The following METTL15 variants were observed in gnomAD, a reference collection of about 807,000 sequenced individuals.
METTL15 encodes the protein 12S rRNA N(4)-cytidine methyltransferase METTL15.
METTL15 carries 34 observed loss-of-function variants against 38.3 expected under a neutral mutation model. That is an observed-to-expected ratio of 0.89 (90% CI 0.68 to 1.18). The LOEUF is 1.18. Among genes scored for constraint, METTL15 ranks in the 50% most tolerant of loss-of-function variants. The pLI, the probability that METTL15 is intolerant of heterozygous loss-of-function variation, is 0.00. For synonymous variants in METTL15, 162 were observed against 170.9 expected, an observed-to-expected ratio of 0.95 and a Z score of 0.41; for missense variants, 438 against 498.4, an observed-to-expected ratio of 0.88 and a Z score of 1.15.
chr11:28,237,707 T>C (rs886240551), intron 4 of METTL15, among the ~76,000 whole-genome samples: 2 of 152,244 alleles, frequency 1.3e-5, no homozygotes, highest in Non-Finnish European at 2.9e-5. Flanking sequence ...CTTTTTCTGC[T>C]CTGTTTTTTC....
chr11:28,193,890 C>G (rs1463647262), intron 3 of METTL15, among the ~76,000 whole-genome samples: 1 of 152,076 alleles, frequency 6.6e-6, no homozygotes, highest in East Asian at 1.9e-4. Flanking sequence ...ACATTTAAAT[C>G]CTACACATTA....
intron 6 of METTL15, among the ~76,000 whole-genome samples, chr11:28,298,411 C>G (rs981587164): frequency 6.6e-6 from 1 of 152,044 alleles, no homozygotes; most frequent in Non-Finnish European, 1.5e-5. Context: ...GTCTAGTCAG[C>G]AAACCTCATC....
At chr11:28,505,615 G>T (rs1018452462) in intron 6 of METTL15, among the ~76,000 whole-genome samples, 2 of 152,170 alleles carry the variant, frequency 1.3e-5, no homozygotes, top group African/African-American at 4.8e-5. Context: ...GTGTATGTGT[G>T]CATATGTATT....
chr11:28,219,416 C>A (rs982219418), intron 4 of METTL15, among the ~76,000 whole-genome samples: 1 of 152,074 alleles, frequency 6.6e-6, no homozygotes, highest in African/African-American at 2.4e-5. Context: ...TCCCCTTTAT[C>A]ATTTTTTATT....
At chr11:28,320,578 A>C (rs368973822) in intron 6 of METTL15, among the ~76,000 whole-genome samples, 4 of 152,100 alleles carry the variant, frequency 2.6e-5, no homozygotes, top group African/African-American at 9.6e-5. Flanking sequence ...CAAAAAAAAT[A>C]CCTGTGCAGA....
chr11:28,449,603 G>C lies in METTL15; in HGVS notation c.*424+25239G>C, dbSNP rs80060075. The stretch of plus-strand genomic sequence containing the variant: ...TATTCTTTGATCGTCTTCTCATATA[G>C]AAATGGTATCTATTTCTCCACTTTC... On this transcript the variant is annotated intron_variant and NMD_transcript_variant, in intron 6 of 7. Transcript: ENST00000532947. Among the ~76,000 whole-genome samples the C allele has an allele frequency of 9.7e-3, 1,477 of 152,168 alleles. 15 individuals are homozygous for C. The highest frequency in any genetic ancestry group is 0.016 in the Non-Finnish European group (1,104 of 68,002).
chr11:28,163,549 C>G (rs548819008), intron 3 of METTL15: 153 of 375,014 alleles, frequency 4.1e-4, no homozygotes, highest in Non-Finnish European at 6.2e-4. Context: ...CTCTCTCTCT[C>G]TCTGTGTGTG....
At chr11:28,487,221 A>G (rs1851446355) in intron 6 of METTL15, among the ~76,000 whole-genome samples, 1 of 152,176 alleles carries the variant, frequency 6.6e-6, no homozygotes, top group Non-Finnish European at 1.5e-5. Context: ...TTCTAAGAGA[A>G]TCATGCATCT....
At chr11:28,333,774 A>G (rs959090818), downstream of METTL15, among the ~76,000 whole-genome samples, 3 of 151,920 alleles carry the variant, frequency 2.0e-5, no homozygotes, top group South Asian at 2.1e-4. Context: ...GCTTAAATTC[A>G]TTGTAGTAAA....
At chr11:28,132,885 T>C (rs978030029) in intron 3 of METTL15, among the ~76,000 whole-genome samples, 1 of 152,186 alleles carries the variant, frequency 6.6e-6, no homozygotes, top group East Asian at 1.9e-4. Context: ...TAATACTTAC[T>C]TACAAAATTG....
intron 3 of METTL15, among the ~76,000 whole-genome samples, chr11:28,189,943 A>G (rs1851640637): frequency 6.6e-6 from 1 of 151,298 alleles, no homozygotes; most frequent in Non-Finnish European, 1.5e-5. Flanking sequence ...ATATATTTGC[A>G]ATGCTATTGA....
intron 3 of METTL15, among the ~76,000 whole-genome samples, chr11:28,340,284 T>C (rs1849938669): frequency 6.6e-6 from 1 of 152,118 alleles, no homozygotes. Flanking sequence ...TAAATTCAAA[T>C]TAAATGATAT....
chr11:28,338,278 TAAAG>T (rs1453832842), downstream of METTL15, among the ~76,000 whole-genome samples: 2 of 151,694 alleles, frequency 1.3e-5, no homozygotes, highest in Non-Finnish European at 2.9e-5. Context: ...TTTGATTTCT[TAAAG>T]AATCTACACT....
rs753928477 is a variant in METTL15 at position 28,211,094 on chromosome 11, G to A, written c.303G>A (p.Gly101=). ...IFLDMTFGSG[G]HTKAILQKES... ...TAGATATGACATTTGGTTCGGGAGG[G>A]CACACAAAAGCCATTCTGCAGAAGG... The change falls in exon 4 of 7, where the codon GGG becomes GGA. Residue 101 remains glycine, a synonymous_variant. Transcript: ENST00000407364. 4 of 1,610,850 alleles carry A rather than the reference G, an allele frequency of 2.5e-6. No individual in the cohort carries two copies. The highest frequency in any genetic ancestry group is 1.1e-5 in the South Asian group (1 of 90,742).
At chr11:28,245,856 C>CTCATGAGAACTCACTA (rs1352638353) in intron 4 of METTL15, among the ~76,000 whole-genome samples, 2 of 151,970 alleles carry the variant, frequency 1.3e-5, no homozygotes, top group Non-Finnish European at 2.9e-5. Flanking sequence ...ACAACAAAAT[C>CTCATGAGAACTCACTA]TCATGAGAAC....
chr11:28,194,397 AC>A (rs1851832544), intron 3 of METTL15, among the ~76,000 whole-genome samples: 1 of 151,296 alleles, frequency 6.6e-6, no homozygotes, highest in South Asian at 2.1e-4. Flanking sequence ...ATGGAGTTTT[AC>A]CATGTTGGTC....
chr11:28,157,668 G>A (rs1229681823), intron 3 of METTL15, among the ~76,000 whole-genome samples: 1 of 152,164 alleles, frequency 6.6e-6, no homozygotes, highest in Non-Finnish European at 1.5e-5. Context: ...ATGCACAGGA[G>A]CATTCCATCA....
At chr11:28,353,895 G>T (rs1018502637) in intron 4 of METTL15, among the ~76,000 whole-genome samples, 2 of 143,564 alleles carry the variant, frequency 1.4e-5, no homozygotes, top group Non-Finnish European at 3.0e-5. Flanking sequence ...ACTGCAGTCC[G>T]CAGTCCGGCC....
chr11:28,305,581 A>C (rs921446512), intron 6 of METTL15, among the ~76,000 whole-genome samples: 8 of 152,096 alleles, frequency 5.3e-5, no homozygotes, highest in African/African-American at 1.9e-4. Context: ...TGTGCTCCTG[A>C]TTATAACACT....
Sources: allele counts gnomAD v4.1 joint callset (sites outside exome capture counted in the v4.1 genomes callset), GRCh38; gene constraint gnomAD v4.1.1; transcripts MANE v1.5; gene names NCBI Gene and HGNC (gene_info 2026-07-23, HGNC 2026-07-21).